The following ATRNL1 variants were observed in gnomAD, a reference collection of about 807,000 sequenced individuals.
The protein encoded by ATRNL1 is attractin-like protein 1.
ATRNL1 carries 95 observed loss-of-function variants against 182.7 expected under a neutral mutation model. That is an observed-to-expected ratio of 0.52 (90% confidence interval 0.44 to 0.62). The LOEUF is 0.62. Among genes scored for constraint, ATRNL1 ranks in the 20% least tolerant of loss-of-function variants. The pLI is 0.00. For missense variants in ATRNL1, 1,471 were observed against 1,679.5 expected, an observed-to-expected ratio of 0.88 and a Z score of 2.17; for synonymous variants, 576 against 568.3, an observed-to-expected ratio of 1.01 and a Z score of -0.19.
At chr10:115,881,220 G>A (rs567199499) in intron 28 of ATRNL1, among the ~76,000 whole-genome samples, 4 of 152,318 alleles carry the variant, frequency 2.6e-5, no homozygotes, top group East Asian at 1.9e-4. Context: ...TGGGAGTACC[G>A]TAGTTCCAGG....
chr10:115,177,903 G>GTT (rs147613896), intron 8 of ATRNL1, among the ~76,000 whole-genome samples: 6 of 102,072 alleles, frequency 5.9e-5, no homozygotes, highest in Admixed American at 1.0e-4. Context: ...TTGTTTTTTT[G>GTT]TTTTTTTTGT....
intron 5 of ATRNL1, among the ~76,000 whole-genome samples, chr10:115,134,729 CAAAA>C (rs1169626448): frequency 2.0e-5 from 3 of 151,916 alleles, no homozygotes; most frequent in Admixed American, 2.0e-4. Context: ...AGAGACACAA[CAAAA>C]AAAGAGAATT....
At chr10:115,659,148 C>G (rs1324391047) in intron 26 of ATRNL1, among the ~76,000 whole-genome samples, 1 of 151,714 alleles carries the variant, frequency 6.6e-6, no homozygotes, top group Non-Finnish European at 1.5e-5. Flanking sequence ...ATATCACCAT[C>G]TCTACACAAC....
chr10:115,788,109 A>G (rs1949439694), intron 27 of ATRNL1, among the ~76,000 whole-genome samples: 1 of 152,212 alleles, frequency 6.6e-6, no homozygotes, highest in African/African-American at 2.4e-5. Flanking sequence ...CCATACTCCT[A>G]ACAAAAATGT....
intron 14 of ATRNL1, among the ~76,000 whole-genome samples, chr10:115,284,485 C>G (rs1321854566): frequency 6.6e-6 from 1 of 152,084 alleles, no homozygotes; most frequent in Non-Finnish European, 1.5e-5. Context: ...CCAGGGCATG[C>G]TACACAGTCT....
At chr10:115,486,023 C>T (rs1424467283) in intron 24 of ATRNL1, among the ~76,000 whole-genome samples, 2 of 149,350 alleles carry the variant, frequency 1.3e-5, no homozygotes, top group Non-Finnish European at 3.0e-5. Context: ...GTGTTGCTTT[C>T]CTGAGAATGA....
intron 27 of ATRNL1, among the ~76,000 whole-genome samples, chr10:115,748,030 AATTTGGG>A (rs1488840665): frequency 1.3e-5 from 2 of 151,962 alleles, no homozygotes; most frequent in African/African-American, 4.8e-5. Flanking sequence ...ATTTCATATG[AATTTGGG>A]GGAGGATACA....
rs34902658 is a variant in ATRNL1, at chr10:115,435,029, C to CTT, written c.3322+8745_3322+8746dup. 1.4e-3 allele frequency among the ~76,000 whole-genome samples: 183 copies of CTT among 130,946 alleles called. 1 individual carries two copies. The highest frequency in any genetic ancestry group is 3.5e-3 in the African/African-American group (126 of 35,526). The allele number at this position is 130,946 out of a possible 152,430, so 85.9% of individuals were successfully genotyped here. ...ATTTTAACAGTATTAAAACCTGGGA[C>CTT]TTTTTTTTTTTTTTTTTTTGTGACG... On this transcript the variant is annotated intron_variant, in intron 21 of 28. Transcript: ENST00000355044.
In ATRNL1 at chr10:115,507,447, A is replaced by C. The variant is rs563289946; in HGVS notation, c.3655-11816A>C. On this transcript the variant is annotated intron_variant, in intron 24 of 28. Coordinates refer to ENST00000355044, the MANE Select transcript of ATRNL1 (RefSeq NM_207303.4). The stretch of plus-strand genomic sequence containing the variant: ...GCGTGATTGCAAATATTATAAAGTC[A>C]CATGAAGAAAAAGGACAGGTAACCT... 8.5e-5 allele frequency among the ~76,000 whole-genome samples: 13 copies of C among 152,210 alleles called. No homozygotes were observed. In the South Asian group the frequency reaches 2.7e-3, roughly 32 times the overall value.
intron 28 of ATRNL1, among the ~76,000 whole-genome samples, chr10:115,852,610 T>G (rs1951082003): frequency 6.6e-6 from 1 of 152,034 alleles, no homozygotes; most frequent in Non-Finnish European, 1.5e-5. Context: ...AGCTAGTGAG[T>G]GAGTGAGCCA....
chr10:115,563,192 G>T (rs1254863290), intron 26 of ATRNL1, among the ~76,000 whole-genome samples: 1 of 152,086 alleles, frequency 6.6e-6, no homozygotes, highest in Non-Finnish European at 1.5e-5. Flanking sequence ...AAGCAACAGT[G>T]TAAGATTCTT....
At chr10:115,850,366 A>G (rs1358551914) in intron 28 of ATRNL1, among the ~76,000 whole-genome samples, 1 of 152,190 alleles carries the variant, frequency 6.6e-6, no homozygotes, top group Non-Finnish European at 1.5e-5. Context: ...TTTTTCCAAT[A>G]TCATCATCTA....
chr10:115,597,568 CTTTTTTTTT>C (rs71010036), intron 26 of ATRNL1: 9 of 252,682 alleles, frequency 3.6e-5, no homozygotes, highest in South Asian at 4.8e-5. Context: ...TTTATGGGAG[CTTTTTTTTT>C]TTTTTTTTTT....
intron 27 of ATRNL1, among the ~76,000 whole-genome samples, chr10:115,764,292 G>A (rs2134152172): frequency 6.6e-6 from 1 of 152,246 alleles, no homozygotes; most frequent in South Asian, 2.1e-4. Flanking sequence ...TACACTTGAT[G>A]AAGCTACATT....
chr10:115,611,229 T>C (rs1857141541), intron 26 of ATRNL1, among the ~76,000 whole-genome samples: 1 of 151,992 alleles, frequency 6.6e-6, no homozygotes, highest in Non-Finnish European at 1.5e-5. Flanking sequence ...CATAAGAAAA[T>C]TGGAAAAATA....
intron 20 of ATRNL1, among the ~76,000 whole-genome samples, chr10:115,398,835 G>A (rs1471509217): frequency 3.3e-5 from 5 of 152,110 alleles, no homozygotes; most frequent in Non-Finnish European, 7.4e-5. Context: ...GATGTTGGCT[G>A]TGGGTTTGTT....
chr10:115,454,795 GTGTGTGTGTA>G (rs781840217), intron 21 of ATRNL1, among the ~76,000 whole-genome samples: 3 of 151,976 alleles, frequency 2.0e-5, no homozygotes, highest in Non-Finnish European at 4.4e-5. Flanking sequence ...TTTTGTGTTT[GTGTGTGTGTA>G]TGTGTGGAGC....
At chr10:115,219,099 G>A (rs1365900946) in intron 9 of ATRNL1, among the ~76,000 whole-genome samples, 1 of 151,998 alleles carries the variant, frequency 6.6e-6, no homozygotes, top group Non-Finnish European at 1.5e-5. Flanking sequence ...GCTGGGCATG[G>A]TGATGTGCGC....
At chr10:115,485,218 T>C (rs1848962061) in intron 24 of ATRNL1, among the ~76,000 whole-genome samples, 5 of 152,038 alleles carry the variant, frequency 3.3e-5, no homozygotes. Flanking sequence ...TTAAACTACC[T>C]GGTCTTTGAA....
Sources: allele counts gnomAD v4.1 joint callset (sites outside exome capture counted in the v4.1 genomes callset), GRCh38; gene constraint gnomAD v4.1.1; transcripts MANE v1.5; gene names NCBI Gene and HGNC (gene_info 2026-07-23, HGNC 2026-07-21).